The following FAM107B variants were observed in gnomAD, a reference collection of about 807,000 sequenced individuals.
FAM107B encodes family with sequence similarity 107 member B.
FAM107B carries 21 observed loss-of-function variants against 31.5 expected under a neutral mutation model. That is an observed-to-expected ratio of 0.67 (90% CI 0.47 to 0.96). The LOEUF is 0.96. Ranked by LOEUF, FAM107B falls within the 40% of genes least tolerant of loss-of-function variation. FAM107B has a pLI of 0.00. For synonymous variants in FAM107B, 157 were observed against 141.5 expected (o/e 1.11, Z -0.78); for missense variants, 452 against 377.1 (o/e 1.20, Z -1.64).
At chr10:14,742,654 T>C (rs1832642162) in intron 1 of FAM107B, among the ~76,000 whole-genome samples, 1 of 152,192 alleles carries the variant, frequency 6.6e-6, no homozygotes, top group Non-Finnish European at 1.5e-5. Context: ...GTGGATTGCA[T>C]GCATTCAAAG....
At chr10:14,661,392 C>T (rs1334375483) in intron 2 of FAM107B, among the ~76,000 whole-genome samples, 3 of 152,162 alleles carry the variant, frequency 2.0e-5, no homozygotes, top group Admixed American at 1.3e-4. Flanking sequence ...TGATCACCCT[C>T]CCCAGTGTAG....
chr10:14,629,606 G>A (rs186824690), intron 2 of FAM107B, among the ~76,000 whole-genome samples: 1,563 of 145,526 alleles, frequency 0.011, 12 homozygotes, highest in Non-Finnish European at 0.018. Flanking sequence ...TCCGCCTCCC[G>A]GGTTCCAGCC....
At chr10:14,653,846 A>G (rs926918418) in intron 2 of FAM107B, 1 of 152,154 alleles carries the variant, frequency 6.6e-6, no homozygotes, top group Non-Finnish European at 1.5e-5. Flanking sequence ...ATGACCCCAC[A>G]CGATCTTACC....
chr10:14,563,125 G>C (rs1184957953), intron 2 of FAM107B, among the ~76,000 whole-genome samples: 1 of 152,186 alleles, frequency 6.6e-6, no homozygotes, highest in African/African-American at 2.4e-5. Context: ...ATAAAAACTT[G>C]AGGGAGAAAA....
At chr10:14,723,135 T>G (rs768545418) in intron 1 of FAM107B, 4 of 442,520 alleles carry the variant, frequency 9.0e-6, no homozygotes, top group Non-Finnish European at 1.8e-5. Context: ...CAGACTTGTG[T>G]CCACGTTGCT....
intron 1 of FAM107B, among the ~76,000 whole-genome samples, chr10:14,679,076 G>A (rs951169801): frequency 6.6e-6 from 1 of 152,212 alleles, no homozygotes; most frequent in Admixed American, 6.5e-5. Flanking sequence ...TCCCAGTCCT[G>A]CCATGCAGGA....
chr10:14,538,389 G>A (rs1160998921), intron 2 of FAM107B, among the ~76,000 whole-genome samples: 1 of 152,186 alleles, frequency 6.6e-6, no homozygotes, highest in African/African-American at 2.4e-5. Flanking sequence ...CAATGAGAAT[G>A]AACTGGCAAT....
At chr10:14,582,943 G>A (rs181709343) in intron 2 of FAM107B, among the ~76,000 whole-genome samples, 113 of 152,064 alleles carry the variant, frequency 7.4e-4, no homozygotes, top group Middle Eastern at 3.4e-3. Flanking sequence ...AAAATTAGCC[G>A]GGCAGAGTGG....
intron 2 of FAM107B, among the ~76,000 whole-genome samples, chr10:14,616,288 C>A (rs984961429): frequency 1.3e-4 from 20 of 152,088 alleles, no homozygotes; most frequent in African/African-American, 4.8e-4. Context: ...ATTAGCAGTT[C>A]TATGGAGCTA....
Position 14,521,170 on chromosome 10 carries a change from G to A in FAM107B, c.*20C>T, listed in dbSNP as rs553992860. The A allele has an allele frequency of 1.3e-6, 2 of 1,594,968 alleles. No individual in the cohort carries two copies. Among genetic ancestry groups the A allele is most frequent in the South Asian group, 2.2e-5 (2 of 90,394 alleles). On this transcript the variant is annotated 3_prime_UTR_variant, in exon 5 of 5. Transcript: ENST00000181796. The stretch of plus-strand genomic sequence containing the variant: ...GACAGCTCTGTGGGGTGACACACGA[G>A]GTCTTGGTGCAGCCTCAGCCTAGGA...
chr10:14,739,875 T>A (rs1481876028), intron 1 of FAM107B, among the ~76,000 whole-genome samples: 3 of 151,836 alleles, frequency 2.0e-5, no homozygotes, highest in Non-Finnish European at 2.9e-5. Flanking sequence ...CAAGACAGAG[T>A]CCTGATGGCA....
At chr10:14,772,892 C>A (rs1342049355) in intron 1 of FAM107B, among the ~76,000 whole-genome samples, 1 of 152,146 alleles carries the variant, frequency 6.6e-6, no homozygotes, top group Non-Finnish European at 1.5e-5. Flanking sequence ...TTGCGGCTGT[C>A]TTCAGTAATA....
Position 14,521,949 on chromosome 10 carries a change from T to C in FAM107B, c.724A>G (p.Lys242Glu). 6.2e-7 allele frequency: 1 copy of C among 1,614,208 alleles called. No individual in the cohort carries two copies. Among genetic ancestry groups the C allele is most frequent in the Non-Finnish European group, 8.5e-7 (1 of 1,180,040 alleles). ...MEKRKRDQVI[K>E]QKEEEAQKKK... is the part of the protein sequence containing the mutation. ...TTCTGTGCTTCTTCTTCCTTCTGCTTTATTACTTGGTCTCGTTTTCTTTTT... is the reference window on the plus strand; with the variant it reads ...TTCTGTGCTTCTTCTTCCTTCTGCTCTATTACTTGGTCTCGTTTTCTTTTT... Residue 242 changes from lysine (K) to glutamate (E), a missense_variant, in exon 4 of 5, where the codon AAG becomes GAG. Transcript: ENST00000181796.
At chr10:14,684,661 G>A (rs1478323943) in intron 1 of FAM107B, among the ~76,000 whole-genome samples, 2 of 152,046 alleles carry the variant, frequency 1.3e-5, no homozygotes, top group Non-Finnish European at 2.9e-5. Flanking sequence ...ATGATAGAAT[G>A]TGATAGAATA....
chr10:14,632,594 A>G (rs1169020199), intron 2 of FAM107B, among the ~76,000 whole-genome samples: 4 of 147,374 alleles, frequency 2.7e-5, no homozygotes, highest in Non-Finnish European at 6.0e-5. Flanking sequence ...CTGGGCAACA[A>G]GGCAAGACTC....
At chr10:14,670,393 T>C (rs79281678) in intron 1 of FAM107B, among the ~76,000 whole-genome samples, 5,118 of 152,274 alleles carry the variant, frequency 0.034, 273 homozygotes, top group African/African-American at 0.12. Flanking sequence ...GAATTAATAG[T>C]ATACCAAAGA....
At chr10:14,620,994 T>C (rs1852996794) in intron 2 of FAM107B, among the ~76,000 whole-genome samples, 1 of 152,264 alleles carries the variant, frequency 6.6e-6, no homozygotes, top group South Asian at 2.1e-4. Context: ...AATTATTTAT[T>C]GCTTGTATTT....
At chr10:14,677,739 G>A (rs1052844246) in intron 1 of FAM107B, among the ~76,000 whole-genome samples, 4 of 152,218 alleles carry the variant, frequency 2.6e-5, no homozygotes, top group African/African-American at 9.6e-5. Context: ...AGGACTGAGG[G>A]GTTCCCCAGG....
chr10:14,758,661 G>T (rs1832976940), intron 1 of FAM107B, among the ~76,000 whole-genome samples: 1 of 152,098 alleles, frequency 6.6e-6, no homozygotes, highest in Non-Finnish European at 1.5e-5. Flanking sequence ...CCCGTCTGGA[G>T]CGAGTGCCAA....
Sources: allele counts gnomAD v4.1 joint callset (sites outside exome capture counted in the v4.1 genomes callset), GRCh38; gene constraint gnomAD v4.1.1; transcripts MANE v1.5; gene names NCBI Gene and HGNC (gene_info 2026-07-23, HGNC 2026-07-21).